GPM6B: variants seen among roughly 807,000 people sequenced by gnomAD.
GPM6B encodes glycoprotein M6B.
Under a neutral mutation model 27.2 loss-of-function variants are expected in GPM6B, and 4 were observed. The ratio of observed to expected loss-of-function variants is 0.15; its 90% CI spans 0.07 to 0.34. GPM6B has a LOEUF of 0.34. Among genes scored for constraint, GPM6B ranks in the 10% least tolerant of loss-of-function variants. GPM6B has a pLI of 1.00. For missense variants in GPM6B, 183 were observed against 261.9 expected (o/e 0.70, Z 2.08); for synonymous variants, 124 against 103.1 (o/e 1.20, Z -1.23).
intron 1 of GPM6B, among the ~76,000 whole-genome samples, chrX:13,913,617 A>G (rs73633585): frequency 0.017 from 1,931 of 112,297 alleles, 42 homozygotes; most frequent in African/African-American, 0.053. Flanking sequence ...ACCAACTTCA[A>G]ATGCTAACCA....
At chrX:13,852,824 A>G (rs2049734704) in intron 1 of GPM6B, among the ~76,000 whole-genome samples, 1 of 98,353 alleles carries the variant, frequency 1.0e-5, no homozygotes, top group Admixed American at 1.2e-4. Context: ...CCCAGGTTGG[A>G]GTGCAGTGGC....
In GPM6B at chrX:13,843,012, G is replaced by A. The variant is rs186185905; in HGVS notation, c.-197-57204C>T. Among the ~76,000 whole-genome samples, 105 of 110,648 alleles carry A rather than the reference G, an allele frequency of 9.5e-4. 1 individual carries two copies. Among genetic ancestry groups the A allele is most frequent in the Middle Eastern group, 4.6e-3 (1 of 217 alleles). On this transcript the variant is annotated intron_variant, in intron 1 of 6. Coordinates refer to the GPM6B transcript ENST00000398361. ...CCCTTTCCACTTGTTCAAAATATAT[G>A]ATCGCAACTGTTAACACGATCTAAT...
chrX:13,780,083 G>A, intron 4 of GPM6B, 94 bp from the exon 5 acceptor site: 1 of 744,805 alleles, frequency 1.3e-6, no homozygotes, highest in Non-Finnish European at 1.9e-6. Context: ...GCCCAATACT[G>A]ACCTGTGGAA....
intron 1 of GPM6B, among the ~76,000 whole-genome samples, chrX:13,919,480 A>G (rs374981219): frequency 8.8e-4 from 99 of 112,312 alleles, no homozygotes; most frequent in African/African-American, 2.8e-3. Context: ...TTAAAGATGC[A>G]CCAACTGAAA....
chrX:13,936,127 G>C (rs767172288), intron 1 of GPM6B, among the ~76,000 whole-genome samples: 27 of 111,653 alleles, frequency 2.4e-4, no homozygotes, highest in Non-Finnish European at 4.5e-4. Flanking sequence ...AGTGATGGCT[G>C]CACAAATCTG....
intron 1 of GPM6B, among the ~76,000 whole-genome samples, chrX:13,816,246 A>G (rs945276725): frequency 9.0e-6 from 1 of 110,908 alleles, no homozygotes; most frequent in Non-Finnish European, 1.9e-5. Context: ...TCTCCAAGTC[A>G]TAATTAGCAG....
chrX:13,846,260 T>C (rs2049644158), intron 1 of GPM6B, among the ~76,000 whole-genome samples: 1 of 110,797 alleles, frequency 9.0e-6, no homozygotes, highest in African/African-American at 3.3e-5. Context: ...CCAGCATTTC[T>C]AGGCTCAGTT....
chrX:13,802,179 A>G (rs762913346), intron 2 of GPM6B, among the ~76,000 whole-genome samples: 1 of 111,202 alleles, frequency 9.0e-6, no homozygotes, highest in East Asian at 2.8e-4. Flanking sequence ...CATATAACAT[A>G]AGGGACATTT....
intron 1 of GPM6B, among the ~76,000 whole-genome samples, chrX:13,864,934 A>G (rs766042233): frequency 8.9e-6 from 1 of 112,325 alleles, no homozygotes; most frequent in East Asian, 2.8e-4. Context: ...AGTTTCATTT[A>G]TAAATTAGGC....
At chrX:13,923,137 T>C (rs898122496) in intron 1 of GPM6B, among the ~76,000 whole-genome samples, 1 of 110,053 alleles carries the variant, frequency 9.1e-6, no homozygotes. Context: ...GATCACGCCA[T>C]TGCACTCCAG....
At position 13,921,625 on chromosome X, in the gene GPM6B, G is replaced by C. The variant is rs185255190; in HGVS notation, c.-198+16702C>G. ...GAGTCTTACTCTGTCACCCAGGCTGGAGTGCCGTGGCGCAATCTCAGCTCA... is the reference window on the plus strand; with the variant it reads ...GAGTCTTACTCTGTCACCCAGGCTGCAGTGCCGTGGCGCAATCTCAGCTCA... On this transcript the variant is annotated intron_variant, in intron 1 of 6. Transcript: ENST00000398361. Among the ~76,000 whole-genome samples the C allele has an allele frequency of 4.4e-3, 456 of 104,517 alleles. 3 individuals carry two copies. The highest frequency in any genetic ancestry group is 0.015 in the African/African-American group (422 of 28,300). 90.8% of individuals were successfully genotyped at this position (104,517 alleles called of 115,157 possible). A position where few individuals can be genotyped will look rare whatever the true frequency, so the allele number is the denominator to read the frequency against.
At chrX:13,930,357 A>G (rs190145158) in intron 1 of GPM6B, among the ~76,000 whole-genome samples, 2 of 111,515 alleles carry the variant, frequency 1.8e-5, no homozygotes, top group East Asian at 2.8e-4. Flanking sequence ...GCTCACACCT[A>G]TAATCCCAGC....
At chrX:13,775,393 T>C (rs1048842794) in intron 7 of GPM6B, among the ~76,000 whole-genome samples, 1 of 113,027 alleles carries the variant, frequency 8.8e-6, no homozygotes, top group Non-Finnish European at 1.9e-5. Context: ...TCTGCCTTCT[T>C]GTTTCAGCTC....
intron 2 of GPM6B, among the ~76,000 whole-genome samples, chrX:13,807,378 G>T (rs1366885846): frequency 1.8e-5 from 2 of 111,751 alleles, no homozygotes; most frequent in Non-Finnish European, 3.8e-5. Flanking sequence ...ACTGTACATT[G>T]TTCCCTTTGA....
chrX:13,829,597 C>T (rs1477966553), intron 1 of GPM6B, among the ~76,000 whole-genome samples: 1 of 110,938 alleles, frequency 9.0e-6, no homozygotes, highest in Non-Finnish European at 1.9e-5. Flanking sequence ...GGGCACTCCC[C>T]ACTCCACCCG....
chrX:13,914,678 G>A (rs952698690), intron 1 of GPM6B, among the ~76,000 whole-genome samples: 10 of 112,331 alleles, frequency 8.9e-5, no homozygotes, highest in Non-Finnish European at 1.9e-4. Context: ...ATTTTGGGGG[G>A]TTCTATTAGA....
upstream of GPM6B, among the ~76,000 whole-genome samples, chrX:13,820,428 T>A (rs2049295192): frequency 9.1e-6 from 1 of 110,396 alleles, no homozygotes; most frequent in African/African-American, 3.3e-5. Context: ...TAGGGGAGAT[T>A]ATCAAGCGTG....
At chrX:13,843,104 C>T (rs1316604691) in intron 1 of GPM6B, among the ~76,000 whole-genome samples, 1 of 111,462 alleles carries the variant, frequency 9.0e-6, no homozygotes. Flanking sequence ...CCTACCCTAC[C>T]CTCACCCCTC....
intron 1 of GPM6B, among the ~76,000 whole-genome samples, chrX:13,853,820 C>G (rs1250859472): frequency 9.0e-6 from 1 of 110,770 alleles, no homozygotes. Context: ...ATTCCAGACT[C>G]CAGGAAGGAA....
Sources: allele counts gnomAD v4.1 joint callset (sites outside exome capture counted in the v4.1 genomes callset), GRCh38; gene constraint gnomAD v4.1.1; transcripts MANE v1.5; gene names NCBI Gene and HGNC (gene_info 2026-07-23, HGNC 2026-07-21).